Variants in DNM3 observed in about 807,000 individuals in gnomAD.
The protein encoded by DNM3 is dynamin 3.
Under a neutral mutation model 101.6 loss-of-function variants are expected in DNM3, and 47 were observed. The ratio of observed to expected loss-of-function variants is 0.46; its 90% CI spans 0.37 to 0.59. DNM3 has a LOEUF of 0.59. DNM3 is among the 20% of genes least tolerant of loss of function. The pLI, the probability that DNM3 is intolerant of heterozygous loss-of-function variation, is 0.00. For missense variants in DNM3, 849 were observed against 1,085.7 expected (o/e 0.78, Z 3.06); for synonymous variants, 385 against 387.9 (o/e 0.99, Z 0.09).
chr1:172,263,057 G>A (rs566662309), intron 15 of DNM3, among the ~76,000 whole-genome samples: 1 of 152,100 alleles, frequency 6.6e-6, no homozygotes, highest in Admixed American at 6.5e-5. Flanking sequence ...TGTCTTATAG[G>A]AAATAGTTTT....
chr1:171,937,710 C>T (rs2041535778), intron 2 of DNM3, among the ~76,000 whole-genome samples: 2 of 152,142 alleles, frequency 1.3e-5, no homozygotes, highest in Admixed American at 1.3e-4. Context: ...GCTGGGACCA[C>T]AGGGGTGTGC....
intron 3 of DNM3, 86 bp from the exon 4 acceptor site, chr1:171,988,859 A>G (rs2045451454): frequency 7.5e-6 from 9 of 1,204,194 alleles, no homozygotes; most frequent in Non-Finnish European, 1.0e-5. Context: ...ACAAAGTAGA[A>G]GGCTGAGCTA....
chr1:172,294,797 G>A (rs2586405), intron 15 of DNM3, among the ~76,000 whole-genome samples: 15,226 of 151,472 alleles, frequency 0.1, 1,069 homozygotes, highest in African/African-American at 0.2. Context: ...CTGTAGTCCC[G>A]GCTACTTGGG....
intron 1 of DNM3, among the ~76,000 whole-genome samples, chr1:171,874,688 G>A (rs1217611080): frequency 1.3e-5 from 2 of 151,824 alleles, no homozygotes; most frequent in African/African-American, 4.8e-5. Flanking sequence ...TTAGATCAGG[G>A]GGCATATATG....
intron 4 of DNM3, among the ~76,000 whole-genome samples, chr1:172,024,321 T>C (rs1027543380): frequency 2.6e-5 from 4 of 152,210 alleles, no homozygotes; most frequent in African/African-American, 9.6e-5. Flanking sequence ...TAAATTTTGG[T>C]ATCCATATCT....
chr1:172,328,179 C>T (rs1198180991), intron 17 of DNM3, among the ~76,000 whole-genome samples: 1 of 152,070 alleles, frequency 6.6e-6, no homozygotes, highest in Non-Finnish European at 1.5e-5. Flanking sequence ...TTTATTTTCT[C>T]TGTTGGGTCG....
rs769530890 is a variant in DNM3 at position 172,131,246 on chromosome 1, C to T, written c.1617C>T (p.Phe539=). The part of the protein sequence containing the change: ...IMKGGSKGYW[F]VLTAESLSWY... ...AAGGCGGCTCGAAGGGATACTGGTT[C>T]GTCCTTACTGCGGAAAGCTTGTCCT... The change falls in exon 14 of 21, where the codon TTC becomes TTT. Residue 539 remains phenylalanine, a synonymous_variant. Transcript: ENST00000627582. 12 of 1,613,160 alleles carry T rather than the reference C, an allele frequency of 7.4e-6. No individual in the cohort carries two copies. Among genetic ancestry groups the T allele is most frequent in the East Asian group, 4.5e-5 (2 of 44,852 alleles).
In DNM3 at chr1:172,238,345, G is replaced by T. The variant is rs80304127; in HGVS notation, c.1660-15228G>T. ...CTTGGATTAAGCAGCTACCCACTGG[G>T]ATGACTTAAGGGCAACCTAAGCCAA... On this transcript the variant is annotated intron_variant, in intron 14 of 20. Coordinates refer to ENST00000627582, the MANE Select transcript of DNM3 (RefSeq NM_015569.5). Among the ~76,000 whole-genome samples, 398 of 152,216 alleles carry T rather than the reference G, an allele frequency of 2.6e-3. 8 individuals carry two copies. The highest frequency in any genetic ancestry group is 0.02 in the Admixed American group (311 of 15,280).
intron 14 of DNM3, among the ~76,000 whole-genome samples, chr1:172,227,702 T>G (rs2061186235): frequency 6.6e-6 from 1 of 152,254 alleles, no homozygotes; most frequent in East Asian, 1.9e-4. Context: ...CATTTTTTCA[T>G]GTTTTTTGGC....
chr1:172,302,562 C>A (rs2064516562), intron 15 of DNM3, among the ~76,000 whole-genome samples: 1 of 152,330 alleles, frequency 6.6e-6, no homozygotes, highest in South Asian at 2.1e-4. Flanking sequence ...GGACAGACTG[C>A]CTCCTCAAGT....
intron 1 of DNM3, among the ~76,000 whole-genome samples, chr1:171,874,465 A>G (rs2035575237): frequency 6.6e-6 from 1 of 152,208 alleles, no homozygotes; most frequent in South Asian, 2.1e-4. Context: ...TCTTAGGCTT[A>G]GATATTGCAG....
chr1:172,269,869 A>G, intron 15 of DNM3, among the ~76,000 whole-genome samples: 1 of 152,184 alleles, frequency 6.6e-6, no homozygotes, highest in East Asian at 1.9e-4. Flanking sequence ...AGAGCTCTTC[A>G]GAAATGAATA....
chr1:171,939,035 A>G (rs929894710), intron 2 of DNM3, among the ~76,000 whole-genome samples: 1 of 151,938 alleles, frequency 6.6e-6, no homozygotes, highest in African/African-American at 2.4e-5. Context: ...CTTACTGACA[A>G]CACCCCAAAA....
intron 14 of DNM3, among the ~76,000 whole-genome samples, chr1:172,171,588 G>A (rs1462462458): frequency 2.0e-5 from 3 of 151,750 alleles, no homozygotes; most frequent in Non-Finnish European, 4.4e-5. Flanking sequence ...GTTAGGTAGA[G>A]TAGCTGTATA....
downstream of DNM3, among the ~76,000 whole-genome samples, chr1:172,416,434 A>T (rs2071427609): frequency 6.6e-6 from 1 of 152,242 alleles, no homozygotes; most frequent in African/African-American, 2.4e-5. Context: ...GGAAGGGTAG[A>T]TACAGTAAAG....
chr1:172,198,082 T>G (rs1200782425), intron 14 of DNM3, among the ~76,000 whole-genome samples: 1 of 152,124 alleles, frequency 6.6e-6, no homozygotes, highest in Non-Finnish European at 1.5e-5. Flanking sequence ...GGTATGTCCT[T>G]CAATGCCTAG....
chr1:171,865,505 G>A (rs1444191693), intron 1 of DNM3, among the ~76,000 whole-genome samples: 1 of 92,028 alleles, frequency 1.1e-5, no homozygotes, highest in Non-Finnish European at 1.9e-5. Context: ...GACAGAGCAA[G>A]ATCCTGTCTC....
rs184845457 is a variant in DNM3 at position 172,400,167 on chromosome 1, C to T, written c.2523-7605C>T. ...TTCCTCCTGATTTCCTCCTCCTTCT[C>T]AGAAGCGGACACTTGCCTCGCCCAG... On this transcript the variant is annotated intron_variant, in intron 20 of 20. Transcript: ENST00000627582. Among the ~76,000 whole-genome samples, 6 of 152,260 alleles carry T rather than the reference C, an allele frequency of 3.9e-5. No individual in the cohort carries two copies. In the East Asian group the frequency reaches 1.2e-3, roughly 29 times the overall value.
intron 9 of DNM3, among the ~76,000 whole-genome samples, chr1:172,048,234 C>T (rs1313269878): frequency 1.3e-5 from 2 of 152,014 alleles, no homozygotes; most frequent in African/African-American, 2.4e-5. Context: ...ATATAGTTGT[C>T]CTGGAATGGA....
Sources: gnomAD v4.1 joint callset for allele counts (sites outside exome capture counted in the v4.1 genomes callset) on GRCh38, gnomAD v4.1.1 for gene constraint, MANE v1.5 for transcripts, NCBI Gene and HGNC (gene_info 2026-07-23, HGNC 2026-07-21) for gene names.